The following FRAS1 variants were observed in gnomAD, a reference collection of about 807,000 sequenced individuals.
FRAS1 encodes extracellular matrix organizing protein FRAS1.
In FRAS1, 290 loss-of-function variants were observed where a neutral mutation model predicts 435.2. That is an observed-to-expected ratio of 0.67 (90% confidence interval 0.61 to 0.73). The LOEUF (loss-of-function observed/expected upper bound fraction) is 0.73, where lower values mean the gene tolerates loss of function less well. Among genes scored for constraint, FRAS1 ranks in the 30% least tolerant of loss-of-function variants. FRAS1 has a pLI of 0.00. For missense variants in FRAS1, 4,860 were observed against 5,001.5 expected (o/e 0.97, Z 0.85); for synonymous variants, 1,800 against 1,851.0 (o/e 0.97, Z 0.71).
intron 2 of FRAS1, among the ~76,000 whole-genome samples, chr4:78,136,724 C>A (rs1719935722): frequency 6.6e-6 from 1 of 152,174 alleles, no homozygotes; most frequent in South Asian, 2.1e-4. Flanking sequence ...CTTGGACATA[C>A]CACCCTGATG....
At chr4:78,062,622 C>A (rs186761841) in intron 1 of FRAS1, among the ~76,000 whole-genome samples, 3 of 152,196 alleles carry the variant, frequency 2.0e-5, no homozygotes, top group South Asian at 4.2e-4. Context: ...AATTATATCT[C>A]AAAATTTCTC....
intron 31 of FRAS1, among the ~76,000 whole-genome samples, chr4:78,411,206 G>T (rs1362715130): frequency 6.6e-6 from 1 of 150,924 alleles, no homozygotes; most frequent in Non-Finnish European, 1.5e-5. Flanking sequence ...CACCTCCCAG[G>T]TTCAAGCAGT....
chr4:78,269,282 G>A (rs1726529529), intron 9 of FRAS1, among the ~76,000 whole-genome samples: 1 of 152,188 alleles, frequency 6.6e-6, no homozygotes, highest in Non-Finnish European at 1.5e-5. Context: ...ACACAGTGTG[G>A]CACCAATGGA....
intron 2 of FRAS1, among the ~76,000 whole-genome samples, chr4:78,169,063 G>GACTCC (rs1168023303): frequency 6.6e-6 from 1 of 152,054 alleles, no homozygotes; most frequent in Non-Finnish European, 1.5e-5. Context: ...AGGGTTTTAA[G>GACTCC]ACTCCAACCA....
At chr4:78,540,232 A>C (rs1240158966) in intron 73 of FRAS1, among the ~76,000 whole-genome samples, 2 of 152,230 alleles carry the variant, frequency 1.3e-5, no homozygotes, top group African/African-American at 4.8e-5. Context: ...AAAGACAGAC[A>C]AATATAAGCA....
chr4:78,428,968 G>C, intron 35 of FRAS1, 127 bp from the exon 36 acceptor site: 1 of 912,768 alleles, frequency 1.1e-6, no homozygotes, highest in East Asian at 2.7e-5. Flanking sequence ...GTGCAAAAAA[G>C]TTTCTAGCTA....
chr4:78,521,136 A>G (rs1721373263), intron 67 of FRAS1, among the ~76,000 whole-genome samples: 1 of 152,208 alleles, frequency 6.6e-6, no homozygotes, highest in South Asian at 2.1e-4. Context: ...ACCTCTGTTA[A>G]GTCCGGAAAG....
chr4:78,514,231 G>C (rs6832499), intron 65 of FRAS1, among the ~76,000 whole-genome samples: 1 of 152,218 alleles, frequency 6.6e-6, no homozygotes. Context: ...AGGCTGCCCC[G>C]CAAGGGCATG....
intron 64 of FRAS1, 82 bp from the exon 65 acceptor site, chr4:78,513,310 A>C: frequency 7.1e-7 from 1 of 1,409,076 alleles, no homozygotes; most frequent in Admixed American, 1.9e-5. Context: ...GTGAAGACAA[A>C]TTAGGTGATG....
intron 2 of FRAS1, among the ~76,000 whole-genome samples, chr4:78,212,069 G>A (rs1040847991): frequency 2.0e-5 from 3 of 152,108 alleles, no homozygotes; most frequent in Non-Finnish European, 4.4e-5. Flanking sequence ...GCATATGTAT[G>A]TATATATATA....
intron 61 of FRAS1, among the ~76,000 whole-genome samples, chr4:78,502,279 G>C (rs1720708257): frequency 6.6e-6 from 1 of 152,116 alleles, no homozygotes; most frequent in African/African-American, 2.4e-5. Flanking sequence ...GCTTGATCGG[G>C]ATGGCATTGT....
chr4:78,239,995 A>G, intron 3 of FRAS1, among the ~76,000 whole-genome samples: 1 of 151,682 alleles, frequency 6.6e-6, no homozygotes, highest in East Asian at 1.9e-4. Context: ...TGTCTCTTTT[A>G]TTCTCTGTAT....
intron 29 of FRAS1, among the ~76,000 whole-genome samples, chr4:78,393,280 C>G (rs1335803731): frequency 6.6e-6 from 1 of 152,010 alleles, no homozygotes; most frequent in African/African-American, 2.4e-5. Context: ...TATTGATAGT[C>G]ATAGGCACTA....
rs1053356805 is a variant in FRAS1, at chr4:78,317,293, G to A, written c.1820-75G>A. 25 of 1,560,840 alleles carry A rather than the reference G, an allele frequency of 1.6e-5. No homozygotes were observed. In the African/African-American group the frequency reaches 1.9e-4, roughly 12 times the overall value. The stretch of plus-strand genomic sequence containing the variant: ...ACAGGGGACTAAGAGTCCCAGGCCC[G>A]TGAAGCCCAGCCAGGAAGTGGGCAC... On this transcript the variant is annotated intron_variant, in intron 16 of 73. Transcript: ENST00000512123.
At chr4:78,470,195 T>A in intron 51 of FRAS1, 104 bp downstream of exon 51, 2 of 703,728 alleles carry the variant, frequency 2.8e-6, no homozygotes, top group Non-Finnish European at 4.9e-6. Flanking sequence ...CACCTGTTTA[T>A]CCCTCCCTAA....
chr4:78,494,542 A>T (rs915239886), intron 59 of FRAS1, among the ~76,000 whole-genome samples: 1 of 152,134 alleles, frequency 6.6e-6, no homozygotes, highest in African/African-American at 2.4e-5. Flanking sequence ...CATGGGATTT[A>T]AGAGAGAATT....
Position 78,103,884 on chromosome 4 carries a change from A to G in FRAS1, c.108+37868A>G, listed in dbSNP as rs948076632. Among the ~76,000 whole-genome samples the G allele has an allele frequency of 4.2e-4, 64 of 152,324 alleles. 1 individual carries two copies. The highest frequency in any genetic ancestry group is 6.5e-5 in the Admixed American group (1 of 15,304). On this transcript the variant is annotated intron_variant, in intron 2 of 73. Transcript: ENST00000512123. ...GTTATAGCGGCCTAAATGGACTACG[A>G]CACAGTTCTTTATCTTAGCTTTGCA...
intron 2 of FRAS1, among the ~76,000 whole-genome samples, chr4:78,161,214 A>G (rs1721122526): frequency 6.6e-6 from 1 of 152,198 alleles, no homozygotes; most frequent in South Asian, 2.1e-4. Context: ...TAAAAGAAAT[A>G]ATCACATTAT....
intron 2 of FRAS1, among the ~76,000 whole-genome samples, chr4:78,152,607 C>CTTT (rs71214398): frequency 0.047 from 3,392 of 72,310 alleles, 16 homozygotes; most frequent in East Asian, 0.072. Context: ...ATGTAGGCTG[C>CTTT]TTTTTTTTTT....
Sources: gnomAD v4.1 joint callset for allele counts (sites outside exome capture counted in the v4.1 genomes callset) on GRCh38, gnomAD v4.1.1 for gene constraint, MANE v1.5 for transcripts, NCBI Gene and HGNC (gene_info 2026-07-23, HGNC 2026-07-21) for gene names.